KATNIP: variants seen among roughly 807,000 people sequenced by gnomAD.
The protein encoded by KATNIP is katanin-interacting protein.
In KATNIP, 126 loss-of-function variants were observed where a neutral mutation model predicts 174.0. The ratio of observed to expected loss-of-function variants is 0.72; its 90% CI spans 0.63 to 0.84. The LOEUF (loss-of-function observed/expected upper bound fraction) is 0.84. Among genes scored for constraint, KATNIP ranks in the 40% least tolerant of loss-of-function variants. The pLI is 0.00. For missense variants in KATNIP, 1,958 were observed against 2,109.7 expected, an observed-to-expected ratio of 0.93 and a Z score of 1.41; for synonymous variants, 810 against 835.7, an observed-to-expected ratio of 0.97 and a Z score of 0.53.
intron 12 of KATNIP, 98 bp from the exon 13 acceptor site, chr16:27,708,607 A>T: frequency 1.2e-6 from 1 of 834,272 alleles, no homozygotes; most frequent in Non-Finnish European, 1.9e-6. Flanking sequence ...GAGACCCTGA[A>T]GGTTAACTAA....
At position 27,777,129 on chromosome 16, in the gene KATNIP, T is replaced by C; in HGVS notation, c.4551+100T>C. On this transcript the variant is annotated intron_variant, in intron 25 of 27. Coordinates refer to ENST00000261588, the MANE Select transcript of KATNIP (RefSeq NM_015202.5). This position sits in a 1 kb window ranked among gnomAD's most constrained non-coding sequence, Gnocchi z 4.4. ...TCGCAGTTTGATTTACTTCTCTCTG[T>C]TGCAACCCTCAACACAAATGCCTGG... is the stretch of plus-strand genomic sequence containing the variant. The C allele has an allele frequency of 1.2e-6, 1 of 804,878 alleles. No homozygotes were observed. The highest frequency in any genetic ancestry group is 2.5e-5 in the East Asian group (1 of 40,094). 49.9% of individuals were successfully genotyped at this position (804,878 alleles called of 1,614,324 possible). A position where few individuals can be genotyped will look rare whatever the true frequency, so the allele number is the denominator to read the frequency against.
chr16:27,677,162 T>C (rs955708957), intron 6 of KATNIP, among the ~76,000 whole-genome samples: 3 of 152,288 alleles, frequency 2.0e-5, no homozygotes, highest in South Asian at 2.1e-4. Context: ...AAGTGCTAAA[T>C]AGTATGACAT....
At chr16:27,770,678 G>A (rs1028397899) in intron 21 of KATNIP, among the ~76,000 whole-genome samples, 10 of 152,230 alleles carry the variant, frequency 6.6e-5, no homozygotes, top group African/African-American at 1.9e-4. Context: ...GAGGGGCCCC[G>A]TCAGGAGGGC....
At chr16:27,721,823 C>T in intron 14 of KATNIP, 128 bp downstream of exon 14, 1 of 996,742 alleles carries the variant, frequency 1.0e-6, no homozygotes, top group Non-Finnish European at 1.5e-6. Context: ...GTGTGTGCAG[C>T]AAGAGCCTGC....
Position 27,776,742 on chromosome 16 carries a change from C to T in KATNIP, c.4450-186C>T, listed in dbSNP as rs1567438122. 3 of 578,000 alleles carry T rather than the reference C, an allele frequency of 5.2e-6. No individual in the cohort carries two copies. The highest frequency in any genetic ancestry group is 9.3e-6 in the Non-Finnish European group (3 of 322,946). 35.8% of individuals were successfully genotyped at this position (578,000 alleles called of 1,614,324 possible). On this transcript the variant is annotated intron_variant, in intron 24 of 27. Coordinates refer to ENST00000261588, the MANE Select transcript of KATNIP (RefSeq NM_015202.5). This position sits in a 1 kb window ranked among gnomAD's most constrained non-coding sequence, Gnocchi z 4.7. ...GCTCAGCGGTTTGTTGCAAATGCAG[C>T]CACACGTGACCTGACTCAAGATGGG...
intron 3 of KATNIP, among the ~76,000 whole-genome samples, chr16:27,623,893 G>A (rs1237997114): frequency 6.6e-6 from 1 of 152,072 alleles, no homozygotes; most frequent in Non-Finnish European, 1.5e-5. Context: ...AAGGGCCCTT[G>A]TGTTCAAAGG....
rs1265754966 is a variant in KATNIP, at chr16:27,749,564, T to C, written c.2624-20T>C. On this transcript the variant is annotated intron_variant, in intron 15 of 27. Transcript: ENST00000261588. ...CATGCCACTCACAGGGCTTCCCCCC[T>C]CTTGTGTCCTTTCTTCCAGAAGACA... The C allele has an allele frequency of 1.3e-6, 2 of 1,520,526 alleles. No homozygotes were observed. Among genetic ancestry groups the C allele is most frequent in the Non-Finnish European group, 1.8e-6 (2 of 1,135,430 alleles). The allele number at this position is 1,520,526 out of a possible 1,614,324, so 94.2% of individuals were successfully genotyped here. A position where few individuals can be genotyped will look rare whatever the true frequency, so the allele number is the denominator to read the frequency against.
At chr16:27,559,646 A>C (rs1300736751) in intron 1 of KATNIP, among the ~76,000 whole-genome samples, 4 of 148,340 alleles carry the variant, frequency 2.7e-5, no homozygotes, top group Admixed American at 6.9e-5. Flanking sequence ...ATGCCACTGC[A>C]CTCTAGCCTG....
At chr16:27,639,736 C>A (rs1189738291) in intron 5 of KATNIP, among the ~76,000 whole-genome samples, 2 of 152,204 alleles carry the variant, frequency 1.3e-5, no homozygotes, top group Non-Finnish European at 2.9e-5. Context: ...CTCTTGTTAT[C>A]TTCCTTCTGA....
chr16:27,751,964 T>G (rs146539324), intron 17 of KATNIP, 40 bp downstream of exon 17: 8 of 1,535,778 alleles, frequency 5.2e-6, no homozygotes, highest in Non-Finnish European at 7.0e-6. Flanking sequence ...GACCCCCAGA[T>G]AGGTTTCTTC....
At chr16:27,746,734 G>A (rs1003563054) in intron 15 of KATNIP, among the ~76,000 whole-genome samples, 2 of 152,216 alleles carry the variant, frequency 1.3e-5, no homozygotes, top group East Asian at 3.9e-4. Context: ...AAGGCTCTGA[G>A]GCCAGAAGAG....
intron 2 of KATNIP, among the ~76,000 whole-genome samples, chr16:27,608,434 A>T: frequency 8.0e-6 from 1 of 124,762 alleles, no homozygotes. Flanking sequence ...TTTTGTAGAG[A>T]TGGGGTCCTG....
In KATNIP at chr16:27,778,702, C is replaced by A. The variant is rs2082595291; in HGVS notation, c.*73C>A. 14 of 1,452,794 alleles carry A rather than the reference C, an allele frequency of 9.6e-6. No individual in the cohort carries two copies. Among genetic ancestry groups the A allele is most frequent in the African/African-American group, 4.2e-5 (3 of 71,234 alleles). 90.0% of individuals were successfully genotyped at this position (1,452,794 alleles called of 1,614,324 possible). A position where few individuals can be genotyped will look rare whatever the true frequency, so the allele number is the denominator to read the frequency against. On this transcript the variant is annotated 3_prime_UTR_variant, in exon 28 of 28. Transcript: ENST00000261588. ...AGCAGCCCCACTCAGTGCCTGCGTC[C>A]CTCACCCTCAGTCCCAGGAGCTGGA...
At position 27,701,566 on chromosome 16, in the gene KATNIP, TTAA is replaced by T; in HGVS notation, c.1180-19_1180-17del. ...CAGGAGTGTTGCCTGAGACATCTGT[TTAA>T]TAAGCCTTTCCATCCTCAGCTGCTT... On this transcript the variant is annotated intron_variant, in intron 10 of 27. Coordinates refer to ENST00000261588, the MANE Select transcript of KATNIP (RefSeq NM_015202.5). 6.4e-7 allele frequency: 1 copy of T among 1,553,142 alleles called. No homozygotes were observed. Among genetic ancestry groups the T allele is most frequent in the South Asian group, 1.2e-5 (1 of 84,506 alleles).
At chr16:27,730,155 A>G (rs1411372112) in intron 14 of KATNIP, among the ~76,000 whole-genome samples, 1 of 152,242 alleles carries the variant, frequency 6.6e-6, no homozygotes, top group Non-Finnish European at 1.5e-5. Context: ...CAGCTGTCAC[A>G]GCCTCCCAGA....
Position 27,638,024 on chromosome 16 carries a change from C to T in KATNIP, c.408+6862C>T, listed in dbSNP as rs181581329. ...TAGCTTCAGTGTTCCCCTGATCCATCGTGCCTTCTCCACACACGGTTTTAC... is the reference window on the plus strand; with the variant it reads ...TAGCTTCAGTGTTCCCCTGATCCATTGTGCCTTCTCCACACACGGTTTTAC... On this transcript the variant is annotated intron_variant, in intron 5 of 27. Transcript: ENST00000261588. Among the ~76,000 whole-genome samples, 517 of 152,298 alleles carry T rather than the reference C, an allele frequency of 3.4e-3. 1 individual carries two copies. Among genetic ancestry groups the T allele is most frequent in the Non-Finnish European group, 4.1e-3 (278 of 68,022 alleles).
intron 6 of KATNIP, among the ~76,000 whole-genome samples, chr16:27,652,285 TAAGTA>T (rs1218153270): frequency 1.3e-5 from 2 of 152,114 alleles, no homozygotes; most frequent in Admixed American, 1.3e-4. Flanking sequence ...AGGTGATACT[TAAGTA>T]GAGGAGAGGT....
intron 6 of KATNIP, among the ~76,000 whole-genome samples, chr16:27,670,186 T>C (rs1004887005): frequency 6.6e-6 from 1 of 152,186 alleles, no homozygotes; most frequent in African/African-American, 2.4e-5. Flanking sequence ...AAACTCTAGT[T>C]TCCATTTGAG....
At chr16:27,557,072 T>C (rs995409433) in intron 1 of KATNIP, among the ~76,000 whole-genome samples, 3 of 152,110 alleles carry the variant, frequency 2.0e-5, no homozygotes, top group African/African-American at 4.8e-5. Flanking sequence ...CCAAAATGAG[T>C]AAGATTGAAT....
Sources: allele counts gnomAD v4.1 joint callset (sites outside exome capture counted in the v4.1 genomes callset), GRCh38; gene constraint gnomAD v4.1.1; non-coding constraint Gnocchi (gnomAD v3.1); transcripts MANE v1.5; gene names NCBI Gene and HGNC (gene_info 2026-07-23, HGNC 2026-07-21).